KIZ: variants seen among roughly 807,000 people sequenced by gnomAD.
The protein encoded by KIZ is kizuna centrosomal protein, also known as centrosomal protein kizuna.
In KIZ, 68 loss-of-function variants were observed where a neutral mutation model predicts 79.6. That is an observed-to-expected ratio of 0.85 (90% CI 0.70 to 1.05). KIZ has a LOEUF of 1.05. KIZ is among the 50% of genes least tolerant of loss of function. KIZ has a pLI of 0.00. For synonymous variants in KIZ, 280 were observed against 281.8 expected (o/e 0.99, Z 0.06); for missense variants, 797 against 800.4 (o/e 1.00, Z 0.05).
At chr20:21,197,085 C>T (rs1289125713) in intron 6 of KIZ, 1 of 152,140 alleles carries the variant, frequency 6.6e-6, no homozygotes, top group Non-Finnish European at 1.5e-5. Context: ...GTGAACAGCT[C>T]CTTTAAAGTA....
At chr20:21,234,758 AAAAC>A (rs2036948534) in intron 11 of KIZ, among the ~76,000 whole-genome samples, 1 of 151,836 alleles carries the variant, frequency 6.6e-6, no homozygotes, top group Non-Finnish European at 1.5e-5. Flanking sequence ...AGAAAAAAAA[AAAAC>A]CCACTGGACC....
intron 6 of KIZ, among the ~76,000 whole-genome samples, chr20:21,183,774 G>A (rs1244338188): frequency 6.6e-6 from 1 of 152,016 alleles, no homozygotes; most frequent in Non-Finnish European, 1.5e-5. Context: ...ATATGTCAAT[G>A]CAGCCCAGTG....
At chr20:21,141,569 G>A (rs2032532132) in intron 3 of KIZ, among the ~76,000 whole-genome samples, 1 of 152,056 alleles carries the variant, frequency 6.6e-6, no homozygotes, top group Admixed American at 6.5e-5. Context: ...AGGTCCTAGG[G>A]ATGTGTGTAG....
chr20:21,155,833 T>C (rs1215737939), intron 4 of KIZ, among the ~76,000 whole-genome samples: 2 of 152,234 alleles, frequency 1.3e-5, no homozygotes, highest in African/African-American at 4.8e-5. Context: ...TTCCAACTTT[T>C]TATGATTTGA....
chr20:21,160,496 G>A (rs1054434794), intron 4 of KIZ, among the ~76,000 whole-genome samples: 5 of 151,894 alleles, frequency 3.3e-5, no homozygotes, highest in East Asian at 1.9e-4. Flanking sequence ...CTCTGCCTGC[G>A]CTCCCTGATG....
chr20:21,182,996 A>G (rs2034724520), intron 6 of KIZ, among the ~76,000 whole-genome samples: 1 of 152,124 alleles, frequency 6.6e-6, no homozygotes, highest in South Asian at 2.1e-4. Flanking sequence ...TTATTGCCCC[A>G]TGAGTTATAC....
intron 6 of KIZ, among the ~76,000 whole-genome samples, chr20:21,184,895 TAGTC>T (rs2034807653): frequency 6.6e-6 from 1 of 152,052 alleles, no homozygotes; most frequent in Non-Finnish European, 1.5e-5. Context: ...AAAAATAAGT[TAGTC>T]AGGCATGATG....
chr20:21,161,849 C>T (rs756703112), intron 4 of KIZ, 22 bp from the exon 5 acceptor site: 2 of 1,572,764 alleles, frequency 1.3e-6, no homozygotes, highest in South Asian at 2.3e-5. Context: ...ATGTTTAACT[C>T]ACATCTCTTT....
intron 9 of KIZ, among the ~76,000 whole-genome samples, chr20:21,227,289 T>G (rs1337078878): frequency 6.6e-6 from 1 of 152,256 alleles, no homozygotes; most frequent in African/African-American, 2.4e-5. Flanking sequence ...AGGAGAGCCG[T>G]CTCACTGGAG....
intron 3 of KIZ, among the ~76,000 whole-genome samples, chr20:21,138,383 A>C (rs1424300840): frequency 6.6e-6 from 1 of 152,146 alleles, no homozygotes; most frequent in East Asian, 1.9e-4. Flanking sequence ...CTAAACAAGC[A>C]CTGTCCAGTA....
intron 6 of KIZ, among the ~76,000 whole-genome samples, chr20:21,183,838 C>A (rs1013749324): frequency 4.6e-5 from 7 of 152,178 alleles, no homozygotes; most frequent in Non-Finnish European, 7.3e-5. Context: ...CCAGTGGGCT[C>A]TGACTTCTCT....
At chr20:21,220,664 A>G (rs1352293422) in intron 9 of KIZ, among the ~76,000 whole-genome samples, 1 of 151,878 alleles carries the variant, frequency 6.6e-6, no homozygotes, top group African/African-American at 2.4e-5. Context: ...TGTATTCTTA[A>G]TAGAGACGGT....
At chr20:21,128,717 C>T (rs889629146) in intron 1 of KIZ, among the ~76,000 whole-genome samples, 11 of 152,166 alleles carry the variant, frequency 7.2e-5, no homozygotes, top group African/African-American at 2.7e-4. Flanking sequence ...ATGGTAGAAA[C>T]TTATAAGTGG....
At chr20:21,192,691 G>A (rs2123043155) in intron 6 of KIZ, among the ~76,000 whole-genome samples, 1 of 152,280 alleles carries the variant, frequency 6.6e-6, no homozygotes, top group Admixed American at 6.5e-5. Context: ...GGAAATTGCA[G>A]AAGAATGATT....
At chr20:21,223,787 A>T (rs1312504851) in intron 9 of KIZ, among the ~76,000 whole-genome samples, 1 of 149,394 alleles carries the variant, frequency 6.7e-6, no homozygotes, top group African/African-American at 2.5e-5. Flanking sequence ...CTCATGCCTC[A>T]GCCTCCTGAG....
intron 9 of KIZ, among the ~76,000 whole-genome samples, chr20:21,223,863 A>G (rs1239232410): frequency 1.3e-5 from 2 of 151,890 alleles, no homozygotes; most frequent in Admixed American, 6.6e-5. Flanking sequence ...TTTATAGTAG[A>G]GACGGGGTTT....
At chr20:21,216,583 T>C (rs978904504) in intron 9 of KIZ, among the ~76,000 whole-genome samples, 1 of 152,246 alleles carries the variant, frequency 6.6e-6, no homozygotes, top group African/African-American at 2.4e-5. Flanking sequence ...ATGCAGAGTT[T>C]TTTTATTTTA....
Position 21,242,637 on chromosome 20 carries a change from G to A in KIZ, c.1881-1608G>A, listed in dbSNP as rs117041998. On this transcript the variant is annotated intron_variant, in intron 11 of 12. Transcript: ENST00000619189. Reference sequence around the variant, plus strand: ...AAAGAGGAGTGGAGACTGGAGAGGGGCTTGGGGAGACTAGTGGGTCAGGGG... The same window carrying A: ...AAAGAGGAGTGGAGACTGGAGAGGGACTTGGGGAGACTAGTGGGTCAGGGG... Among the ~76,000 whole-genome samples the A allele has an allele frequency of 2.7e-4, 41 of 152,116 alleles. No homozygotes were observed. In the East Asian group the frequency reaches 6.0e-3, roughly 22 times the overall value.
intron 6 of KIZ, among the ~76,000 whole-genome samples, chr20:21,189,389 A>G (rs1055650503): frequency 1.6e-4 from 25 of 152,208 alleles, no homozygotes; most frequent in African/African-American, 5.3e-4. Context: ...GTCTGCCACC[A>G]TTACAAATGA....
Sources: gnomAD v4.1 joint callset for allele counts (sites outside exome capture counted in the v4.1 genomes callset) on GRCh38, gnomAD v4.1.1 for gene constraint, MANE v1.5 for transcripts, NCBI Gene and HGNC (gene_info 2026-07-23, HGNC 2026-07-21) for gene names.